Variants in MCHR2 observed in about 807,000 individuals in gnomAD.
MCHR2 encodes the protein melanin-concentrating hormone receptor 2.
Under a neutral mutation model 24.8 loss-of-function variants are expected in MCHR2, and 15 were observed. That is an observed-to-expected ratio of 0.60 (90% confidence interval 0.40 to 0.93). The LOEUF (loss-of-function observed/expected upper bound fraction) is 0.93. Ranked by LOEUF, MCHR2 falls within the 40% of genes least tolerant of loss-of-function variation. The probability of loss-of-function intolerance (pLI) is 0.00; values close to 1 mark genes in which losing one functional copy is unlikely to be tolerated. For synonymous variants in MCHR2, 151 were observed against 147.6 expected (o/e 1.02, Z -0.17); for missense variants, 386 against 408.7 (o/e 0.94, Z 0.48).
intron 1 of MCHR2, among the ~76,000 whole-genome samples, chr6:99,992,931 A>G (rs2114605660): frequency 6.6e-6 from 1 of 151,444 alleles, no homozygotes; most frequent in East Asian, 2.0e-4. Context: ...ATCTCTACCC[A>G]CTAAGTTATA....
chr6:99,942,968 A>G lies in MCHR2; in HGVS notation c.568T>C (p.Ser190Pro). 1 of 1,611,906 alleles carries G rather than the reference A, an allele frequency of 6.2e-7. No homozygotes were observed. The highest frequency in any genetic ancestry group is 8.5e-7 in the Non-Finnish European group (1 of 1,178,714). ...GVESCAFDLT[S>P]PDDVLWYTLY... ...ACTTACCAGAGTACATCGTCAGGGG[A>G]TGTCAAATCAAAAGCACAACTCTCA... Residue 190 changes from serine (S) to proline (P), a missense_variant, in exon 4 of 6, where the codon TCC becomes CCC. By Grantham distance (74) the Ser-to-Pro change is moderately conservative. Coordinates refer to ENST00000281806, the MANE Select transcript of MCHR2 (RefSeq NM_001040179.2).
intron 5 of MCHR2, among the ~76,000 whole-genome samples, chr6:99,932,859 T>TGGAAAAA (rs1774575062): frequency 6.6e-6 from 1 of 152,066 alleles, no homozygotes; most frequent in Non-Finnish European, 1.5e-5. Context: ...ACTAGTGAAG[T>TGGAAAAA]CCAGTAAAGA....
intron 1 of MCHR2, among the ~76,000 whole-genome samples, chr6:99,987,666 T>G (rs1775794624): frequency 6.6e-6 from 1 of 152,244 alleles, no homozygotes; most frequent in South Asian, 2.1e-4. Context: ...ATGCTTTAAC[T>G]ACACTGAAAG....
intron 1 of MCHR2, among the ~76,000 whole-genome samples, chr6:99,969,174 C>T (rs540021912): frequency 3.3e-5 from 5 of 152,078 alleles, no homozygotes; most frequent in South Asian, 2.1e-4. Context: ...AGCCATCTAA[C>T]GTAATTTAGA....
At chr6:99,972,812 G>A (rs530103970) in intron 1 of MCHR2, among the ~76,000 whole-genome samples, 3,521 of 152,012 alleles carry the variant, frequency 0.023, 82 homozygotes, top group African/African-American at 0.06. Flanking sequence ...CCTTCATTTT[G>A]TTATGTACCC....
intron 5 of MCHR2, among the ~76,000 whole-genome samples, chr6:99,930,223 G>A (rs1180497150): frequency 6.6e-6 from 1 of 152,064 alleles, no homozygotes; most frequent in African/African-American, 2.4e-5. Context: ...TAGTCTGATG[G>A]GCTTCCCTTT....
At chr6:99,971,821 T>C (rs1468225469) in intron 1 of MCHR2, among the ~76,000 whole-genome samples, 4 of 152,204 alleles carry the variant, frequency 2.6e-5, no homozygotes, top group South Asian at 2.1e-4. Context: ...GAGATAATCA[T>C]GTGGTTTTTG....
At chr6:99,966,430 T>C (rs999440090) in intron 1 of MCHR2, among the ~76,000 whole-genome samples, 2 of 152,206 alleles carry the variant, frequency 1.3e-5, no homozygotes, top group Non-Finnish European at 2.9e-5. Flanking sequence ...TGACTTAATA[T>C]AATTTCAAAT....
At position 99,919,735 on chromosome 6, in the gene MCHR2, T is replaced by A. The variant is rs1774185844; in HGVS notation, c.*1205A>T. On this transcript the variant is annotated 3_prime_UTR_variant, in exon 6 of 6. Coordinates refer to ENST00000281806, the MANE Select transcript of MCHR2 (RefSeq NM_001040179.2). ...CTTGTTTTTTTTTTTGTTTGTTTTG[T>A]TTTTTTTTTTGAGATGACGTCTCAC... 1.7e-5 allele frequency among the ~76,000 whole-genome samples: 1 copy of A among 59,580 alleles called. No homozygotes were observed. Among genetic ancestry groups the A allele is most frequent in the African/African-American group, 4.3e-5 (1 of 23,022 alleles). The allele number at this position is 59,580 out of a possible 152,430, so 39.1% of individuals were successfully genotyped here.
At chr6:99,956,262 T>C (rs1775059428) in intron 1 of MCHR2, 88 bp from the exon 2 acceptor site, 1 of 979,318 alleles carries the variant, frequency 1.0e-6, no homozygotes, top group African/African-American at 1.7e-5. Context: ...TTTTGGAACC[T>C]CTTTTTTAAA....
At chr6:99,930,347 G>C (rs866775518) in intron 5 of MCHR2, among the ~76,000 whole-genome samples, 3 of 152,062 alleles carry the variant, frequency 2.0e-5, no homozygotes, top group East Asian at 1.9e-4. Context: ...GAGTATCTTT[G>C]TGGCGTTCTC....
At chr6:99,942,886 C>T in intron 4 of MCHR2, 63 bp downstream of exon 4, 1 of 1,406,794 alleles carries the variant, frequency 7.1e-7, no homozygotes, top group East Asian at 2.3e-5. Context: ...CACATGTTGA[C>T]AAGGAGAATG....
intron 4 of MCHR2, 68 bp downstream of exon 4, chr6:99,942,881 G>T: frequency 1.5e-6 from 2 of 1,371,656 alleles, no homozygotes; most frequent in Non-Finnish European, 2.0e-6. Context: ...CTGCTCACAT[G>T]TTGACAAGGA....
chr6:99,942,548 C>T (rs1406119366), intron 4 of MCHR2, among the ~76,000 whole-genome samples: 2 of 152,122 alleles, frequency 1.3e-5, no homozygotes, highest in South Asian at 4.1e-4. Flanking sequence ...GTATGGGGAG[C>T]TGGTGTAGGA....
intron 4 of MCHR2, among the ~76,000 whole-genome samples, chr6:99,937,994 A>G (rs1774697333): frequency 6.6e-6 from 1 of 151,826 alleles, no homozygotes; most frequent in Non-Finnish European, 1.5e-5. Flanking sequence ...GTTGGCTTTT[A>G]GTGATTCATT....
At chr6:99,975,281 C>T (rs929778881) in intron 1 of MCHR2, among the ~76,000 whole-genome samples, 6 of 152,184 alleles carry the variant, frequency 3.9e-5, no homozygotes, top group Non-Finnish European at 8.8e-5. Flanking sequence ...TGGCAGGTGC[C>T]CTTCCCCCAG....
chr6:99,973,517 A>G (rs1488465915), intron 1 of MCHR2, among the ~76,000 whole-genome samples: 2 of 152,164 alleles, frequency 1.3e-5, no homozygotes, highest in Non-Finnish European at 2.9e-5. Context: ...CTCTTTATCC[A>G]ATTTGCCAGT....
intron 4 of MCHR2, among the ~76,000 whole-genome samples, chr6:99,941,098 G>C (rs971605493): frequency 6.6e-6 from 1 of 151,976 alleles, no homozygotes; most frequent in Non-Finnish European, 1.5e-5. Flanking sequence ...TGGGAAAGCT[G>C]GTTGTCTACC....
intron 3 of MCHR2, among the ~76,000 whole-genome samples, chr6:99,946,751 G>C (rs1356043855): frequency 6.6e-6 from 1 of 152,160 alleles, no homozygotes; most frequent in East Asian, 1.9e-4. Flanking sequence ...GTAGATCAGA[G>C]CAAAGAGGAT....
Sources: allele counts gnomAD v4.1 joint callset (sites outside exome capture counted in the v4.1 genomes callset), GRCh38; gene constraint gnomAD v4.1.1; transcripts MANE v1.5; gene names NCBI Gene and HGNC (gene_info 2026-07-23, HGNC 2026-07-21).